Variants in ST6GALNAC3 observed in about 807,000 individuals in gnomAD.
ST6GALNAC3 encodes ST6 N-acetylgalactosaminide alpha-2,6-sialyltransferase 3, also known as alpha-N-acetylgalactosaminide alpha-2,6-sialyltransferase 3.
In ST6GALNAC3, 25 loss-of-function variants were observed where a neutral mutation model predicts 32.7. The observed-to-expected ratio is 0.76, with a 90% CI of 0.56 to 1.07. The LOEUF (loss-of-function observed/expected upper bound fraction) is 1.07, where lower values mean the gene tolerates loss of function less well. Ranked by LOEUF, ST6GALNAC3 falls within the 50% of genes least tolerant of loss-of-function variation. ST6GALNAC3 has a pLI of 0.00. For synonymous variants in ST6GALNAC3, 129 were observed against 133.1 expected (o/e 0.97, Z 0.21); for missense variants, 355 against 382.4 (o/e 0.93, Z 0.60).
chr1:76,577,891 G>A (rs183188256), intron 3 of ST6GALNAC3, among the ~76,000 whole-genome samples: 2 of 152,126 alleles, frequency 1.3e-5, no homozygotes, highest in East Asian at 1.9e-4. Flanking sequence ...AGTGGATGAA[G>A]GCAACAGACT....
At chr1:76,410,456 C>A (rs1263030161) in intron 2 of ST6GALNAC3, among the ~76,000 whole-genome samples, 1 of 152,102 alleles carries the variant, frequency 6.6e-6, no homozygotes, top group African/African-American at 2.4e-5. Context: ...CACACACGTG[C>A]ACACACATAC....
At chr1:76,330,725 C>G (rs1406489081) in intron 2 of ST6GALNAC3, among the ~76,000 whole-genome samples, 1 of 152,130 alleles carries the variant, frequency 6.6e-6, no homozygotes, top group Non-Finnish European at 1.5e-5. Context: ...ATCTAAGGGA[C>G]AGGGAAGTCA....
chr1:76,598,026 A>G (rs1434685411), intron 3 of ST6GALNAC3, among the ~76,000 whole-genome samples: 2 of 152,142 alleles, frequency 1.3e-5, no homozygotes, highest in East Asian at 3.9e-4. Flanking sequence ...ACAGTTCTGC[A>G]GGCCGGGAAT....
intron 1 of ST6GALNAC3, among the ~76,000 whole-genome samples, chr1:76,133,972 C>T (rs982870124): frequency 1.3e-5 from 2 of 152,202 alleles, no homozygotes; most frequent in Non-Finnish European, 2.9e-5. Flanking sequence ...AATCCCAGCA[C>T]TCCATCTAGT....
At chr1:76,188,244 C>A (rs901419699) in intron 1 of ST6GALNAC3, among the ~76,000 whole-genome samples, 3 of 152,016 alleles carry the variant, frequency 2.0e-5, no homozygotes, top group African/African-American at 7.2e-5. Context: ...TGCCTGTAAT[C>A]CCAGTTACTC....
intron 1 of ST6GALNAC3, among the ~76,000 whole-genome samples, chr1:76,186,888 G>A (rs1031493684): frequency 1.3e-5 from 2 of 152,140 alleles, no homozygotes; most frequent in Non-Finnish European, 2.9e-5. Flanking sequence ...CCCTTGTCCA[G>A]TGTTAAGCAG....
intron 1 of ST6GALNAC3, among the ~76,000 whole-genome samples, chr1:76,107,314 T>A (rs925115459): frequency 8.8e-5 from 13 of 147,590 alleles, no homozygotes; most frequent in African/African-American, 1.5e-4. Context: ...TTTTTTTTTT[T>A]ATAATAATCA....
intron 2 of ST6GALNAC3, among the ~76,000 whole-genome samples, chr1:76,368,855 AT>A (rs1318806109): frequency 6.6e-6 from 1 of 152,128 alleles, no homozygotes; most frequent in Non-Finnish European, 1.5e-5. Flanking sequence ...TTTTAGCTTC[AT>A]TTAGCTAAGT....
At chr1:76,449,675 T>G (rs750744095) in intron 3 of ST6GALNAC3, among the ~76,000 whole-genome samples, 49 of 152,378 alleles carry the variant, frequency 3.2e-4, no homozygotes, top group African/African-American at 1.1e-3. Flanking sequence ...ATATAGAACA[T>G]CTTTTCATAT....
At position 76,187,694 on chromosome 1, in the gene ST6GALNAC3, C is replaced by T. The variant is rs549629918; in HGVS notation, c.18+112810C>T. Among the ~76,000 whole-genome samples, 7 of 152,122 alleles carry T rather than the reference C, an allele frequency of 4.6e-5. No homozygotes were observed. The South Asian group carries it at 1.0e-3, about 23-fold the overall frequency. On this transcript the variant is annotated intron_variant, in intron 1 of 4. Transcript: ENST00000328299. ...GTGTAGGCATCTGAGTTATGCTGAT[C>T]GAAGACTCTCTTCTCACTCTTTAGT...
At chr1:76,378,110 A>T (rs1651386418) in intron 2 of ST6GALNAC3, among the ~76,000 whole-genome samples, 2 of 152,132 alleles carry the variant, frequency 1.3e-5, no homozygotes. Flanking sequence ...CCTTAGACTG[A>T]TGGCCTTGGT....
At chr1:76,476,091 G>A (rs1659338300) in intron 3 of ST6GALNAC3, among the ~76,000 whole-genome samples, 1 of 152,108 alleles carries the variant, frequency 6.6e-6, no homozygotes, top group African/African-American at 2.4e-5. Flanking sequence ...TCCTTATCCA[G>A]TCTATCATTG....
intron 2 of ST6GALNAC3, among the ~76,000 whole-genome samples, chr1:76,317,352 C>A (rs1273965538): frequency 6.6e-6 from 1 of 152,098 alleles, no homozygotes; most frequent in Non-Finnish European, 1.5e-5. Context: ...TATGATAAAG[C>A]TTTCAAGAGC....
At chr1:76,264,293 TGTA>T (rs1472400631) in intron 1 of ST6GALNAC3, among the ~76,000 whole-genome samples, 8 of 152,178 alleles carry the variant, frequency 5.3e-5, no homozygotes, top group Non-Finnish European at 8.8e-5. Flanking sequence ...TGAATTCATT[TGTA>T]GTAATGAACC....
At chr1:76,520,648 G>A (rs1662469564) in intron 3 of ST6GALNAC3, among the ~76,000 whole-genome samples, 1 of 152,032 alleles carries the variant, frequency 6.6e-6, no homozygotes, top group Admixed American at 6.6e-5. Context: ...AGATTTCAGA[G>A]ACCTGGCTAA....
intron 3 of ST6GALNAC3, among the ~76,000 whole-genome samples, chr1:76,618,763 A>G (rs1035119682): frequency 1.3e-5 from 2 of 152,108 alleles, no homozygotes; most frequent in African/African-American, 4.8e-5. Context: ...AATATAAGAA[A>G]TGGGAACCAT....
intron 1 of ST6GALNAC3, among the ~76,000 whole-genome samples, chr1:76,215,523 G>A (rs576931014): frequency 4.6e-5 from 7 of 152,260 alleles, no homozygotes; most frequent in African/African-American, 1.7e-4. Flanking sequence ...CCTAATTTGA[G>A]AACCACTGGT....
chr1:76,383,297 G>T (rs1246632685), intron 2 of ST6GALNAC3, among the ~76,000 whole-genome samples: 3 of 152,082 alleles, frequency 2.0e-5, no homozygotes, highest in African/African-American at 7.2e-5. Flanking sequence ...TAGAGACAGA[G>T]TCTTGCTCTG....
At chr1:76,518,065 G>C (rs1445854984) in intron 3 of ST6GALNAC3, among the ~76,000 whole-genome samples, 7 of 151,648 alleles carry the variant, frequency 4.6e-5, no homozygotes, top group Admixed American at 1.3e-4. Flanking sequence ...GTTTATTTCT[G>C]ACTACTTCAT....
Sources: allele counts gnomAD v4.1 joint callset (sites outside exome capture counted in the v4.1 genomes callset), GRCh38; gene constraint gnomAD v4.1.1; transcripts MANE v1.5; gene names NCBI Gene and HGNC (gene_info 2026-07-23, HGNC 2026-07-21).